MAF: variants seen among roughly 807,000 people sequenced by gnomAD.
MAF encodes the protein transcription factor Maf.
Under a neutral mutation model 22.0 loss-of-function variants are expected in MAF, and 10 were observed. The ratio of observed to expected loss-of-function variants is 0.45; its 90% CI spans 0.28 to 0.77. MAF has a LOEUF of 0.77. MAF is among the 30% of genes least tolerant of loss of function. MAF has a pLI of 0.12. For missense variants in MAF, 544 were observed against 548.4 expected (o/e 0.99, Z 0.08); for synonymous variants, 337 against 255.8 (o/e 1.32, Z -3.03).
chr16:79,233,215 A>G, the MAF span, among the ~76,000 whole-genome samples: 1 of 152,152 alleles, frequency 6.6e-6, no homozygotes. Context: ...ACTCATGGGA[A>G]TATCAATGCA....
At chr16:79,598,552 C>A in intron 1 of MAF, 1 of 1,435,934 alleles carries the variant, frequency 7.0e-7, no homozygotes, top group Non-Finnish European at 9.1e-7. Flanking sequence ...AAAACAGCCA[C>A]CACCACCACA....
the MAF span, among the ~76,000 whole-genome samples, chr16:79,556,001 AGTTT>A: frequency 6.9e-6 from 1 of 145,456 alleles, no homozygotes; most frequent in African/African-American, 2.5e-5. Context: ...AGTGATGTTT[AGTTT>A]GTTTTGTTAG....
At chr16:79,479,337 C>T in the MAF span, among the ~76,000 whole-genome samples, 110 of 152,340 alleles carry the variant, frequency 7.2e-4, 1 homozygote, top group Middle Eastern at 6.8e-3. Flanking sequence ...GTACCATCCC[C>T]ATGTAGGCGC....
At chr16:79,557,993 A>C in the MAF span, among the ~76,000 whole-genome samples, 1 of 151,956 alleles carries the variant, frequency 6.6e-6, no homozygotes, top group African/African-American at 2.4e-5. Context: ...GGCAGCCACC[A>C]AGAAAATGGT....
the MAF span, among the ~76,000 whole-genome samples, chr16:79,493,496 G>C: frequency 1.3e-5 from 2 of 152,062 alleles, no homozygotes; most frequent in Non-Finnish European, 1.5e-5. Flanking sequence ...TGTATTTTTA[G>C]TAGAGACAGG....
At chr16:79,443,681 C>A in the MAF span, among the ~76,000 whole-genome samples, 2 of 152,022 alleles carry the variant, frequency 1.3e-5, no homozygotes, top group Non-Finnish European at 2.9e-5. Context: ...GGGGAACCAG[C>A]TTTTACCTCC....
the MAF span, among the ~76,000 whole-genome samples, chr16:79,332,289 G>A: frequency 1.1e-4 from 17 of 152,072 alleles, no homozygotes; most frequent in African/African-American, 3.4e-4. Flanking sequence ...TAAAAAATAA[G>A]CACAATAATA....
the MAF span, among the ~76,000 whole-genome samples, chr16:79,507,710 C>T: frequency 6.6e-6 from 1 of 152,214 alleles, no homozygotes; most frequent in African/African-American, 2.4e-5. Flanking sequence ...CAGGCGTGAG[C>T]CACCGCGCCC....
chr16:79,279,476 G>A, the MAF span, among the ~76,000 whole-genome samples: 2 of 152,182 alleles, frequency 1.3e-5, no homozygotes, highest in African/African-American at 2.4e-5. Context: ...GTAGCTGTGG[G>A]GAATGGGACC....
chr16:79,324,820 A>G, the MAF span, among the ~76,000 whole-genome samples: 1 of 152,146 alleles, frequency 6.6e-6, no homozygotes, highest in Non-Finnish European at 1.5e-5. Context: ...AAACAACACA[A>G]ATCTATTCTC....
At chr16:79,325,173 CAT>C in the MAF span, among the ~76,000 whole-genome samples, 1 of 152,192 alleles carries the variant, frequency 6.6e-6, no homozygotes, top group Non-Finnish European at 1.5e-5. Context: ...TTCTGGGCAA[CAT>C]GTCTTTTCTT....
the MAF span, among the ~76,000 whole-genome samples, chr16:79,501,450 A>G: frequency 6.6e-6 from 1 of 152,346 alleles, no homozygotes; most frequent in South Asian, 2.1e-4. Context: ...TCAAGCCACC[A>G]GAACAGGCAG....
At chr16:79,330,606 A>G in the MAF span, among the ~76,000 whole-genome samples, 1 of 152,342 alleles carries the variant, frequency 6.6e-6, no homozygotes, top group African/African-American at 2.4e-5. Flanking sequence ...ACAGAGGTCA[A>G]GGCAGAGCAA....
intron 1 of MAF, chr16:79,597,072 C>T (rs764259397): frequency 9.9e-5 from 105 of 1,057,966 alleles, no homozygotes; most frequent in Non-Finnish European, 1.1e-4. Context: ...AAAGACTACA[C>T]ATACCCAACT....
the MAF span, among the ~76,000 whole-genome samples, chr16:79,273,394 G>C: frequency 6.6e-6 from 1 of 152,184 alleles, no homozygotes; most frequent in African/African-American, 2.4e-5. Flanking sequence ...TTATCCTGAT[G>C]AGTGAAACGT....
chr16:79,212,165 G>A, the MAF span: 481 of 1,493,774 alleles, frequency 3.2e-4, no homozygotes, highest in Non-Finnish European at 3.9e-4. Context: ...CTACCACCAC[G>A]GCCACCACTG....
the MAF span, among the ~76,000 whole-genome samples, chr16:79,280,119 T>C: frequency 6.6e-6 from 1 of 152,222 alleles, no homozygotes; most frequent in Non-Finnish European, 1.5e-5. Flanking sequence ...TAACCAGAAG[T>C]GATTTTCAGC....
chr16:79,343,621 T>C, the MAF span, among the ~76,000 whole-genome samples: 7 of 152,220 alleles, frequency 4.6e-5, no homozygotes, highest in Admixed American at 3.9e-4. Context: ...CCTAAAGTGA[T>C]TGTCGTGAAT....
At chr16:79,305,060 A>G in the MAF span, among the ~76,000 whole-genome samples, 1 of 152,334 alleles carries the variant, frequency 6.6e-6, no homozygotes, top group African/African-American at 2.4e-5. Flanking sequence ...CGGCCTACAG[A>G]ATCGTGTGGA....
Sources: allele counts gnomAD v4.1 joint callset (sites outside exome capture counted in the v4.1 genomes callset), GRCh38; gene constraint gnomAD v4.1.1; transcripts MANE v1.5; gene names NCBI Gene and HGNC (gene_info 2026-07-23, HGNC 2026-07-21).